Variants in CACNA2D3 observed in about 807,000 individuals in gnomAD.
CACNA2D3 encodes the protein voltage-dependent calcium channel subunit alpha-2/delta-3.
A neutral mutation model predicts 160.6 loss-of-function variants in CACNA2D3; 60 were observed. The ratio of observed to expected loss-of-function variants is 0.37; its 90% CI spans 0.30 to 0.46. CACNA2D3 has a LOEUF of 0.46. Among genes scored for constraint, CACNA2D3 ranks in the 20% least tolerant of loss-of-function variants. CACNA2D3 has a pLI of 1.00. For missense variants in CACNA2D3, 1,205 were observed against 1,365.0 expected, an observed-to-expected ratio of 0.88 and a Z score of 1.85; for synonymous variants, 558 against 492.9, an observed-to-expected ratio of 1.13 and a Z score of -1.75.
chr3:54,937,342 T>A (rs1701355746), intron 27 of CACNA2D3, among the ~76,000 whole-genome samples: 1 of 152,224 alleles, frequency 6.6e-6, no homozygotes, highest in Admixed American at 6.5e-5. Flanking sequence ...AAATTCATTA[T>A]ACCACTATGC....
At chr3:54,993,121 T>C (rs1702778734) in intron 31 of CACNA2D3, among the ~76,000 whole-genome samples, 1 of 152,190 alleles carries the variant, frequency 6.6e-6, no homozygotes. Flanking sequence ...ACCTCCAGCA[T>C]TGGGGATTAT....
intron 2 of CACNA2D3, among the ~76,000 whole-genome samples, chr3:54,146,085 C>T (rs148360665): frequency 0.014 from 2,080 of 152,142 alleles, 19 homozygotes; most frequent in Non-Finnish European, 0.022. Context: ...TTAAATAGGT[C>T]TTTTTTCCTG....
chr3:54,886,530 G>C (rs2694115), intron 23 of CACNA2D3, among the ~76,000 whole-genome samples: 67,088 of 148,746 alleles, frequency 0.45, 15,566 homozygotes, highest in East Asian at 0.8. Context: ...TTTAAGGAAT[G>C]AGACATTATA....
At chr3:54,979,854 G>T (rs1264614218) in intron 29 of CACNA2D3, among the ~76,000 whole-genome samples, 1 of 152,128 alleles carries the variant, frequency 6.6e-6, no homozygotes, top group African/African-American at 2.4e-5. Flanking sequence ...CAAGACAACA[G>T]TTGTCTGTGG....
At chr3:54,155,726 G>A (rs1700233310) in intron 2 of CACNA2D3, among the ~76,000 whole-genome samples, 1 of 152,174 alleles carries the variant, frequency 6.6e-6, no homozygotes, top group Admixed American at 6.5e-5. Context: ...TTTGCCATCA[G>A]CTCTCATGTT....
chr3:54,641,042 G>GA (rs199499230), intron 10 of CACNA2D3, among the ~76,000 whole-genome samples: 3,448 of 132,682 alleles, frequency 0.026, 61 homozygotes, highest in African/African-American at 0.035. Context: ...GGATCTATTG[G>GA]AAAAAAAAAA....
intron 2 of CACNA2D3, among the ~76,000 whole-genome samples, chr3:54,303,903 AGAGT>A (rs1703537479): frequency 3.4e-5 from 5 of 147,302 alleles, no homozygotes; most frequent in Middle Eastern, 7.4e-3. Flanking sequence ...TCTCCATGGA[AGAGT>A]CCAGGGGCCA....
In CACNA2D3 at chr3:54,576,118, G is replaced by A. The variant is rs576274093; in HGVS notation, c.889-5685G>A. On this transcript the variant is annotated intron_variant, in intron 8 of 37. Coordinates refer to ENST00000474759, the MANE Select transcript of CACNA2D3 (RefSeq NM_018398.3). ...GGGTGTTGAGATGCGCCCCGAAGCC[G>A]GTCCCTGCTTAGAGAGGTCTTTCCT... Among the ~76,000 whole-genome samples the A allele has an allele frequency of 9.9e-5, 15 of 152,262 alleles. No individual in the cohort carries two copies. In the South Asian group the frequency reaches 2.7e-3, roughly 27 times the overall value.
Position 55,018,314 on chromosome 3 carries a change from C to G in CACNA2D3, c.2984C>G (p.Ser995Cys). ...GGGAATATTGCTTGTGAAGACTGCT[C>G]CAAGTAAGCCATCCCCCCACCCTCT... is the stretch of plus-strand genomic sequence containing the variant. The part of the protein sequence containing the change: ...TTGNIACEDC[S>C]KSFVIQQIPS... Residue 995 changes from serine (S) to cysteine (C), a missense_variant, in exon 35 of 38, where the codon TCC becomes TGC. By Grantham distance (112) the Ser-to-Cys change is moderately radical. Around this residue, in one of 3 missense-constraint regions of CACNA2D3, gnomAD observed 911 missense variants for 1,002.2 expected, o/e 0.91. Transcript: ENST00000474759. The G allele has an allele frequency of 6.3e-7, 1 of 1,588,264 alleles. No individual in the cohort carries two copies. Among genetic ancestry groups the G allele is most frequent in the Non-Finnish European group, 8.6e-7 (1 of 1,157,322 alleles).
Position 54,316,739 on chromosome 3 carries a change from G to A in CACNA2D3, c.205-3703G>A, listed in dbSNP as rs547534283. On this transcript the variant is annotated intron_variant, in intron 2 of 37. Transcript: ENST00000474759. ...GTAAAGCCAGGGGCTTCTGTTCACA[G>A]AGCAGACTCAGAAGAAAAAAGTGGG... Among the ~76,000 whole-genome samples the A allele has an allele frequency of 1.2e-4, 19 of 152,310 alleles. No homozygotes were observed. In the South Asian group the frequency reaches 3.1e-3, roughly 25 times the overall value.
chr3:54,717,544 ATGTGTGGTGTGTGTGTGTG>A (rs1268471877), intron 11 of CACNA2D3, among the ~76,000 whole-genome samples: 1 of 69,106 alleles, frequency 1.4e-5, no homozygotes, highest in African/African-American at 4.8e-5. Context: ...TGTGGTGTGC[ATGTGTGGTGTGTGTGTGTG>A]TGTGTGGTGT....
At chr3:54,392,063 G>T (rs1699291704) in intron 4 of CACNA2D3, among the ~76,000 whole-genome samples, 1 of 152,162 alleles carries the variant, frequency 6.6e-6, no homozygotes, top group South Asian at 2.1e-4. Flanking sequence ...AATGAGAACA[G>T]AGTTTTAAAA....
intron 2 of CACNA2D3, among the ~76,000 whole-genome samples, chr3:54,284,986 A>G (rs537446629): frequency 6.4e-4 from 97 of 152,226 alleles, no homozygotes; most frequent in Admixed American, 6.5e-4. Flanking sequence ...GCTCTGGTCT[A>G]CAGCTCCCAG....
chr3:54,541,025 C>T (rs1222758157), intron 5 of CACNA2D3, among the ~76,000 whole-genome samples: 1 of 152,024 alleles, frequency 6.6e-6, no homozygotes, highest in Non-Finnish European at 1.5e-5. Flanking sequence ...CGCCTGTAAT[C>T]CCAGCACTTT....
At chr3:54,564,698 T>C (rs996677571) in intron 6 of CACNA2D3, among the ~76,000 whole-genome samples, 51 of 152,218 alleles carry the variant, frequency 3.4e-4, no homozygotes, top group African/African-American at 1.2e-3. Context: ...TCTGGCTTTG[T>C]ACCACTATAT....
At chr3:54,855,280 C>A (rs1009619021) in intron 17 of CACNA2D3, among the ~76,000 whole-genome samples, 2 of 152,036 alleles carry the variant, frequency 1.3e-5, no homozygotes, top group African/African-American at 4.8e-5. Flanking sequence ...CTTCATAAGC[C>A]TACTAGTCTC....
chr3:54,307,332 T>G (rs1215421789), intron 2 of CACNA2D3, among the ~76,000 whole-genome samples: 1 of 152,166 alleles, frequency 6.6e-6, no homozygotes, highest in Non-Finnish European at 1.5e-5. Context: ...AATACCCTCA[T>G]TTTTAGTACT....
At chr3:54,849,712 G>C (rs1405773584) in intron 17 of CACNA2D3, among the ~76,000 whole-genome samples, 2 of 152,276 alleles carry the variant, frequency 1.3e-5, no homozygotes, top group South Asian at 2.1e-4. Flanking sequence ...GATCCCCTTA[G>C]TTCTGGCCAA....
In CACNA2D3 at chr3:54,911,351, C is replaced by CTTTTTTTTTT. The variant is rs58289082; in HGVS notation, c.2449+11496_2449+11505dup. On this transcript the variant is annotated intron_variant, in intron 27 of 37. Coordinates refer to ENST00000474759, the MANE Select transcript of CACNA2D3 (RefSeq NM_018398.3). ...CCTCCTCCCCCTCCTTCTTTGTCGT[C>CTTTTTTTTTT]TTTTTTTTTTTTTTTTTTTTTTAAA... Among the ~76,000 whole-genome samples, 403 of 58,564 alleles carry CTTTTTTTTTT rather than the reference C, an allele frequency of 6.9e-3. 53 individuals carry two copies. Among genetic ancestry groups the CTTTTTTTTTT allele is most frequent in the African/African-American group, 0.022 (247 of 11,304 alleles). The allele number at this position is 58,564 out of a possible 152,430, so 38.4% of individuals were successfully genotyped here.
Sources: allele counts gnomAD v4.1 joint callset (sites outside exome capture counted in the v4.1 genomes callset), GRCh38; gene constraint gnomAD v4.1.1; regional missense constraint gnomAD v4.1.1; transcripts MANE v1.5; gene names NCBI Gene and HGNC (gene_info 2026-07-23, HGNC 2026-07-21).